BRINP3: variants seen among roughly 807,000 people sequenced by gnomAD.
BRINP3 encodes the protein BMP/retinoic acid-inducible neural-specific protein 3.
Under a neutral mutation model 71.0 loss-of-function variants are expected in BRINP3, and 19 were observed. The observed-to-expected ratio is 0.27, with a 90% CI of 0.19 to 0.39. The LOEUF (loss-of-function observed/expected upper bound fraction) is 0.39, where lower values mean the gene tolerates loss of function less well. BRINP3 is among the 10% of genes least tolerant of loss of function. The pLI is 1.00. For missense variants in BRINP3, 959 were observed against 940.8 expected (o/e 1.02, Z -0.25); for synonymous variants, 380 against 337.7 (o/e 1.13, Z -1.37).
intron 2 of BRINP3, among the ~76,000 whole-genome samples, chr1:190,350,221 C>T (rs909913514): frequency 3.3e-5 from 5 of 152,056 alleles, no homozygotes; most frequent in African/African-American, 1.2e-4. Context: ...TTTCATTCAT[C>T]GCTCTACAAA....
intron 7 of BRINP3, chr1:190,154,086 C>T: frequency 1.0e-6 from 1 of 965,204 alleles, no homozygotes; most frequent in Non-Finnish European, 1.2e-6. Context: ...ATTTTTAGTT[C>T]TAGTCATCAC....
intron 7 of BRINP3, among the ~76,000 whole-genome samples, chr1:190,120,258 T>A (rs1446749909): frequency 6.6e-6 from 1 of 152,178 alleles, no homozygotes; most frequent in Non-Finnish European, 1.5e-5. Flanking sequence ...CTTATCTCAT[T>A]GCAGCCAATT....
intron 6 of BRINP3, among the ~76,000 whole-genome samples, chr1:190,182,419 T>C (rs1653107501): frequency 1.3e-5 from 2 of 152,172 alleles, no homozygotes; most frequent in South Asian, 4.1e-4. Context: ...ATTTCTATTG[T>C]TCCACCTTCC....
intron 7 of BRINP3, among the ~76,000 whole-genome samples, chr1:190,110,383 C>A (rs1652560828): frequency 6.6e-6 from 1 of 152,110 alleles, no homozygotes; most frequent in Non-Finnish European, 1.5e-5. Context: ...TAATCTCACA[C>A]CTTTCTAAGA....
intron 6 of BRINP3, among the ~76,000 whole-genome samples, chr1:190,196,342 G>T (rs1262821825): frequency 6.6e-6 from 1 of 152,094 alleles, no homozygotes; most frequent in Non-Finnish European, 1.5e-5. Flanking sequence ...TAGTCAAATT[G>T]CTTGTTCAAC....
At chr1:190,389,084 A>G (rs1322929681) in intron 2 of BRINP3, among the ~76,000 whole-genome samples, 1 of 151,834 alleles carries the variant, frequency 6.6e-6, no homozygotes, top group African/African-American at 2.4e-5. Flanking sequence ...CTAGACAGAG[A>G]AAAGCATTAT....
intron 6 of BRINP3, among the ~76,000 whole-genome samples, chr1:190,222,655 G>T (rs1656995916): frequency 6.6e-6 from 1 of 151,390 alleles, no homozygotes; most frequent in Non-Finnish European, 1.5e-5. Context: ...TAAGAATAAA[G>T]GAAGAAGAGG....
At position 190,473,964 on chromosome 1, in the gene BRINP3, C is replaced by T. The variant is rs548656347; in HGVS notation, c.-51+3484G>A. 8.9e-4 allele frequency among the ~76,000 whole-genome samples: 135 copies of T among 151,572 alleles called. 1 individual carries two copies. Among genetic ancestry groups the T allele is most frequent in the African/African-American group, 3.1e-3 (128 of 41,366 alleles). ...ATGGAAATACCTACAAAACAGTTCT[C>T]TCGAGTAGTCAGAATTAATTTGATA... is the stretch of plus-strand genomic sequence containing the variant. On this transcript the variant is annotated intron_variant, in intron 1 of 7. Coordinates refer to ENST00000367462, the MANE Select transcript of BRINP3 (RefSeq NM_199051.3).
intron 7 of BRINP3, among the ~76,000 whole-genome samples, chr1:190,136,357 TC>T (rs1322343801): frequency 6.6e-6 from 1 of 152,138 alleles, no homozygotes; most frequent in Non-Finnish European, 1.5e-5. Context: ...TTGCTGGGGA[TC>T]TTTGTTTAAC....
At chr1:190,263,478 C>T (rs1192283173) in intron 4 of BRINP3, among the ~76,000 whole-genome samples, 1 of 151,972 alleles carries the variant, frequency 6.6e-6, no homozygotes, top group African/African-American at 2.4e-5. Flanking sequence ...GGTATTTCCA[C>T]ATCACCTTTA....
At chr1:190,381,895 G>A (rs977471922) in intron 2 of BRINP3, among the ~76,000 whole-genome samples, 1 of 152,016 alleles carries the variant, frequency 6.6e-6, no homozygotes, top group Non-Finnish European at 1.5e-5. Context: ...ATATGGTAAT[G>A]TATTTGTCAG....
At chr1:190,456,923 A>C (rs1163298291) in intron 1 of BRINP3, among the ~76,000 whole-genome samples, 3 of 152,170 alleles carry the variant, frequency 2.0e-5, no homozygotes, top group African/African-American at 7.2e-5. Context: ...ATCTAAATGA[A>C]GTTCTCTTAT....
rs1340054530 is a variant in BRINP3 at position 190,477,845 on chromosome 1, G to C, written c.-448C>G. The C allele has an allele frequency of 6.6e-6, 1 of 152,160 alleles. No individual in the cohort carries two copies. Among genetic ancestry groups the C allele is most frequent in the African/African-American group, 2.4e-5 (1 of 41,402 alleles). The allele number at this position is 152,160 out of a possible 1,614,324, so 9.4% of individuals were successfully genotyped here. ...AGTAAAAGGATGTGTTGAAGACAAC[G>C]AGATAAAGAGAGAACTAGTGAGCAA... On this transcript the variant is annotated 5_prime_UTR_variant, in exon 1 of 8. Transcript: ENST00000367462.
At position 190,297,194 on chromosome 1, in the gene BRINP3, G is replaced by A. The variant is rs919878651; in HGVS notation, c.237-15444C>T. ...CAGTAATAAAAATAATATGGTACTT[G>A]TATAACAAGACACATAATAGAGAGG... On this transcript the variant is annotated intron_variant, in intron 2 of 7. Coordinates refer to ENST00000367462, the MANE Select transcript of BRINP3 (RefSeq NM_199051.3). Among the ~76,000 whole-genome samples the A allele has an allele frequency of 1.1e-4, 17 of 151,912 alleles. 1 individual carries two copies. The highest frequency in any genetic ancestry group is 3.6e-4 in the African/African-American group (15 of 41,396).
intron 7 of BRINP3, among the ~76,000 whole-genome samples, chr1:190,143,511 T>A (rs1340945862): frequency 3.3e-5 from 5 of 152,156 alleles, no homozygotes; most frequent in Non-Finnish European, 7.3e-5. Flanking sequence ...TTTGTGGATA[T>A]GGAAATAATA....
chr1:190,267,497 A>G (rs1352210014), intron 3 of BRINP3, among the ~76,000 whole-genome samples: 2 of 152,060 alleles, frequency 1.3e-5, no homozygotes, highest in Non-Finnish European at 2.9e-5. Flanking sequence ...TATCTATAAC[A>G]TACATGAGTT....
chr1:190,135,172 G>C (rs1654870685), intron 7 of BRINP3, among the ~76,000 whole-genome samples: 1 of 151,982 alleles, frequency 6.6e-6, no homozygotes, highest in Non-Finnish European at 1.5e-5. Context: ...AAATGCATAT[G>C]GGAATTAATC....
At chr1:190,164,185 G>T (rs576257037) in intron 6 of BRINP3, among the ~76,000 whole-genome samples, 18 of 152,178 alleles carry the variant, frequency 1.2e-4, no homozygotes, top group Non-Finnish European at 2.4e-4. Flanking sequence ...GCAGTTAATT[G>T]TGTACTTTCA....
intron 7 of BRINP3, among the ~76,000 whole-genome samples, chr1:190,157,892 TA>T (rs1262291100): frequency 1.3e-5 from 2 of 151,856 alleles, no homozygotes; most frequent in Admixed American, 1.3e-4. Flanking sequence ...GTGGACTGGA[TA>T]AAAAAATATG....
Sources: gnomAD v4.1 joint callset for allele counts (sites outside exome capture counted in the v4.1 genomes callset) on GRCh38, gnomAD v4.1.1 for gene constraint, MANE v1.5 for transcripts, NCBI Gene and HGNC (gene_info 2026-07-23, HGNC 2026-07-21) for gene names.